Variants in RETREG3 observed in about 807,000 individuals in gnomAD.
RETREG3 encodes the protein reticulophagy regulator 3.
RETREG3 carries 23 observed loss-of-function variants against 50.2 expected under a neutral mutation model. The ratio of observed to expected loss-of-function variants is 0.46; its 90% CI spans 0.33 to 0.65. The LOEUF (loss-of-function observed/expected upper bound fraction) is 0.65. RETREG3 is among the 30% of genes least tolerant of loss of function. The pLI is 0.02. For missense variants in RETREG3, 546 were observed against 598.0 expected (o/e 0.91, Z 0.91); for synonymous variants, 240 against 234.4 (o/e 1.02, Z -0.22).
intron 1 of RETREG3, chr17:42,599,060 G>A (rs1167180620): frequency 6.6e-6 from 1 of 152,116 alleles, no homozygotes; most frequent in Non-Finnish European, 1.5e-5. Context: ...CTCTGGGAAG[G>A]GGAAATTGCC....
Position 42,586,745 on chromosome 17 carries a change from G to A in RETREG3, c.504+20C>T, listed in dbSNP as rs1293915808. 3 of 1,611,810 alleles carry A rather than the reference G, an allele frequency of 1.9e-6. No homozygotes were observed. The highest frequency in any genetic ancestry group is 2.5e-6 in the Non-Finnish European group (3 of 1,178,766). On this transcript the variant is annotated intron_variant, in intron 4 of 8. Transcript: ENST00000309428. ...GAACTGAGAGGCCAGAGATGAAAGTGAAAAAGGGAAGAGTCTTACCTTGCC... is the reference window on the plus strand; with the variant it reads ...GAACTGAGAGGCCAGAGATGAAAGTAAAAAAGGGAAGAGTCTTACCTTGCC...
chr17:42,601,153 C>T (rs1202632978), intron 1 of RETREG3, among the ~76,000 whole-genome samples: 2 of 151,974 alleles, frequency 1.3e-5, no homozygotes, highest in Non-Finnish European at 2.9e-5. Flanking sequence ...GGCGGGTGCC[C>T]GTAATCCCAG....
chr17:42,602,736 G>A (rs535706436), intron 1 of RETREG3, among the ~76,000 whole-genome samples: 33 of 152,282 alleles, frequency 2.2e-4, no homozygotes, highest in Middle Eastern at 3.4e-3. Context: ...GAGCCCAGGA[G>A]TTCAAGACCA....
chr17:42,586,280 C>T (rs1053637771), intron 4 of RETREG3, 143 bp from the exon 5 acceptor site: 1 of 718,056 alleles, frequency 1.4e-6, no homozygotes, highest in African/African-American at 1.8e-5. Flanking sequence ...AAAGGTGATT[C>T]TGTTTGGGAA....
intron 1 of RETREG3, chr17:42,596,538 C>CTT (rs2093145464): frequency 6.6e-6 from 1 of 152,052 alleles, no homozygotes; most frequent in African/African-American, 2.4e-5. Flanking sequence ...CTTACCCATA[C>CTT]CATCTCTAAA....
chr17:42,600,921 G>A (rs1213559133), intron 1 of RETREG3, among the ~76,000 whole-genome samples: 4 of 152,144 alleles, frequency 2.6e-5, no homozygotes, highest in Non-Finnish European at 5.9e-5. Context: ...AGGGTACAGT[G>A]AGCCATGATC....
chr17:42,595,612 C>G (rs561618666), intron 1 of RETREG3, among the ~76,000 whole-genome samples: 1 of 150,722 alleles, frequency 6.6e-6, no homozygotes, highest in Admixed American at 6.6e-5. Context: ...GAGGGATGGA[C>G]GGGAACAAGA....
chr17:42,589,145 A>C (rs1398170725), intron 2 of RETREG3, among the ~76,000 whole-genome samples: 4 of 152,056 alleles, frequency 2.6e-5, no homozygotes, highest in African/African-American at 9.7e-5. Flanking sequence ...TATCTACCTG[A>C]ATGATGTATA....
In RETREG3 at chr17:42,581,665, AAGG is replaced by A. The variant is rs1371134839; in HGVS notation, c.*145_*147del. 2 of 678,004 alleles carry A rather than the reference AAGG, an allele frequency of 2.9e-6. No individual in the cohort carries two copies. Among genetic ancestry groups the A allele is most frequent in the Non-Finnish European group, 4.8e-6 (2 of 417,006 alleles). The allele number at this position is 678,004 out of a possible 1,614,324, so 42.0% of individuals were successfully genotyped here. A position where few individuals can be genotyped will look rare whatever the true frequency, so the allele number is the denominator to read the frequency against. On this transcript the variant is annotated 3_prime_UTR_variant, in exon 9 of 9. Transcript: ENST00000309428. ...TGGGAGGGGAGTGAGTGTCCTCTCTAAGGAGGCCTCTGAGCATCAGCCAGGCCA... is the reference window on the plus strand; with the variant it reads ...TGGGAGGGGAGTGAGTGTCCTCTCTAAGGCCTCTGAGCATCAGCCAGGCCA...
Position 42,581,148 on chromosome 17 carries a change from A to T in RETREG3, c.*665T>A, listed in dbSNP as rs2143362745. The T allele has an allele frequency of 6.6e-6, 1 of 151,396 alleles. No homozygotes were observed. Among genetic ancestry groups the T allele is most frequent in the Admixed American group, 6.6e-5 (1 of 15,216 alleles). 9.4% of individuals were successfully genotyped at this position (151,396 alleles called of 1,614,324 possible). ...GAGGCCAAGGCAGTCAGCTCACTTGAGGTCAGGAGTTTGAGACCAGCCTGG... is the reference window on the plus strand; with the variant it reads ...GAGGCCAAGGCAGTCAGCTCACTTGTGGTCAGGAGTTTGAGACCAGCCTGG... On this transcript the variant is annotated 3_prime_UTR_variant, in exon 9 of 9. Transcript: ENST00000309428.
At position 42,581,805 on chromosome 17, in the gene RETREG3, T is replaced by G; in HGVS notation, c.*8A>C. ...AAACCACAGTGACTCCCAAAAGGAG[T>G]CTCTGCCTCAGTGGCTCCTAGAACT... On this transcript the variant is annotated 3_prime_UTR_variant, in exon 9 of 9. Transcript: ENST00000309428. The G allele has an allele frequency of 6.4e-7, 1 of 1,553,908 alleles. No homozygotes were observed.
chr17:42,601,931 A>G (rs1597742413), intron 1 of RETREG3, among the ~76,000 whole-genome samples: 1 of 151,792 alleles, frequency 6.6e-6, no homozygotes, highest in Non-Finnish European at 1.5e-5. Flanking sequence ...CACTGCGCCC[A>G]GCCAAAAGTT....
intron 3 of RETREG3, 88 bp downstream of exon 3, chr17:42,587,745 TC>T: frequency 6.6e-7 from 1 of 1,506,870 alleles, no homozygotes; most frequent in Non-Finnish European, 9.2e-7. Flanking sequence ...ACACTGTGTG[TC>T]CAGAACATGG....
At chr17:42,586,212 G>T in intron 4 of RETREG3, 75 bp from the exon 5 acceptor site, 1 of 1,375,922 alleles carries the variant, frequency 7.3e-7, no homozygotes, top group South Asian at 1.2e-5. Context: ...GGTTAGGGTA[G>T]AGATATGACA....
intron 2 of RETREG3, among the ~76,000 whole-genome samples, chr17:42,590,880 T>A (rs1230949431): frequency 6.6e-6 from 1 of 152,016 alleles, no homozygotes. Flanking sequence ...AGCAGGAGGA[T>A]CACTTGAACC....
chr17:42,590,726 G>A (rs1340613283), intron 2 of RETREG3, among the ~76,000 whole-genome samples: 1 of 152,110 alleles, frequency 6.6e-6, no homozygotes, highest in African/African-American at 2.4e-5. Context: ...CAGCACTTTG[G>A]GAGGCCTAGG....
At chr17:42,594,607 G>A (rs2143399125) in intron 1 of RETREG3, among the ~76,000 whole-genome samples, 1 of 152,062 alleles carries the variant, frequency 6.6e-6, no homozygotes, top group South Asian at 2.1e-4. Flanking sequence ...ACTTTGAGAG[G>A]CTGAGGCGGG....
chr17:42,604,941 G>A (rs1163964273), intron 1 of RETREG3, among the ~76,000 whole-genome samples: 1 of 151,992 alleles, frequency 6.6e-6, no homozygotes, highest in Non-Finnish European at 1.5e-5. Context: ...ATTCACAGAT[G>A]AGGTTGAGAC....
chr17:42,597,619 A>T (rs1189050097), intron 1 of RETREG3, among the ~76,000 whole-genome samples: 272 of 14,214 alleles, frequency 0.019, 9 homozygotes, highest in African/African-American at 0.078. Flanking sequence ...ATATATATAT[A>T]TTTTTTTTTT....
Sources: allele counts gnomAD v4.1 joint callset (sites outside exome capture counted in the v4.1 genomes callset), GRCh38; gene constraint gnomAD v4.1.1; transcripts MANE v1.5; gene names NCBI Gene and HGNC (gene_info 2026-07-23, HGNC 2026-07-21).